SPATA31F3: variants seen among roughly 807,000 people sequenced by gnomAD.
The protein encoded by SPATA31F3 is protein SPATA31F3.
At chr9:34,890,956 G>A in the SPATA31F3 span, among the ~76,000 whole-genome samples, 648 of 152,310 alleles carry the variant, frequency 4.3e-3, 7 homozygotes, top group African/African-American at 0.015. Flanking sequence ...ACACATTGCT[G>A]TTCAGATGAG....
chr9:34,889,760 A>G, the SPATA31F3 span: 11 of 397,146 alleles, frequency 2.8e-5, 1 homozygote, highest in Middle Eastern at 2.5e-3. Context: ...ATGGCCCTGA[A>G]CTATTTGACC....
the SPATA31F3 span, among the ~76,000 whole-genome samples, chr9:34,891,705 T>C: frequency 6.6e-6 from 1 of 152,194 alleles, no homozygotes; most frequent in Non-Finnish European, 1.5e-5. Context: ...TTCCTCCCTC[T>C]TGAGGACTGA....
At chr9:34,891,851 G>A in the SPATA31F3 span, among the ~76,000 whole-genome samples, 1 of 152,202 alleles carries the variant, frequency 6.6e-6, no homozygotes, top group African/African-American at 2.4e-5. Context: ...TGAAGCTGGA[G>A]CTGCCTCTAC....
At chr9:34,893,239 C>A in the SPATA31F3 span, 1 of 441,416 alleles carries the variant, frequency 2.3e-6, no homozygotes, top group Non-Finnish European at 4.0e-6. Context: ...ATTGTCCTTT[C>A]CCAGTCCTGA....
the SPATA31F3 span, among the ~76,000 whole-genome samples, chr9:34,894,094 G>C: frequency 6.6e-6 from 1 of 152,198 alleles, no homozygotes. Flanking sequence ...AAGAGAATAA[G>C]ACAGGGATGA....
chr9:34,892,974 T>G, the SPATA31F3 span: 1 of 710,372 alleles, frequency 1.4e-6, no homozygotes, highest in Non-Finnish European at 2.5e-6. Context: ...ACACTAGATG[T>G]GGACAAAGCC....
At chr9:34,893,050 C>G in the SPATA31F3 span, 196,386 of 946,434 alleles carry the variant, frequency 0.21, 23,447 homozygotes, top group Admixed American at 0.27. Flanking sequence ...TCTCACCTGC[C>G]AGCAATTGCT....
At chr9:34,894,869 G>C in the SPATA31F3 span, among the ~76,000 whole-genome samples, 1 of 151,976 alleles carries the variant, frequency 6.6e-6, no homozygotes, top group African/African-American at 2.4e-5. Flanking sequence ...ATGTGCCTAG[G>C]CTCTGATTTT....
the SPATA31F3 span, among the ~76,000 whole-genome samples, chr9:34,891,212 C>G: frequency 6.6e-6 from 1 of 152,182 alleles, no homozygotes. Flanking sequence ...AGTGTCCTTT[C>G]CTGATCTGTG....
At chr9:34,894,794 G>T in the SPATA31F3 span, among the ~76,000 whole-genome samples, 1 of 152,210 alleles carries the variant, frequency 6.6e-6, no homozygotes, top group Admixed American at 6.5e-5. Context: ...AAATGACAGA[G>T]TTGAGGACTT....
At chr9:34,893,514 T>A in the SPATA31F3 span, among the ~76,000 whole-genome samples, 51 of 149,852 alleles carry the variant, frequency 3.4e-4, no homozygotes, top group African/African-American at 1.2e-3. Context: ...GGTAGGAGAG[T>A]CCCTTGAACC....
chr9:34,892,541 C>G, the SPATA31F3 span: 1 of 415,012 alleles, frequency 2.4e-6, no homozygotes, highest in Non-Finnish European at 4.2e-6. Context: ...TTCCTCAGGA[C>G]TTTTTGGACA....
chr9:34,894,966 G>A, the SPATA31F3 span: 1 of 398,266 alleles, frequency 2.5e-6, no homozygotes, highest in Non-Finnish European at 4.4e-6. Context: ...AGCAGCAGGG[G>A]TCATAGAGGG....
chr9:34,893,119 C>A, the SPATA31F3 span: 1 of 829,386 alleles, frequency 1.2e-6, no homozygotes, highest in Non-Finnish European at 1.8e-6. Flanking sequence ...ACAGGATTCG[C>A]CGCACACTTC....
At chr9:34,892,923 T>G in the SPATA31F3 span, 1 of 687,184 alleles carries the variant, frequency 1.5e-6, no homozygotes, top group Non-Finnish European at 2.7e-6. Context: ...GAAAGCTCTT[T>G]GGATTTCGGG....
chr9:34,889,708 GGCCCTGCAAATTTTGACCCTGCAAATTTT>G, the SPATA31F3 span: 26 of 397,808 alleles, frequency 6.5e-5, no homozygotes, highest in Non-Finnish European at 1.1e-4. Flanking sequence ...TAGAAAGTGT[GGCCCTGCAAATTTTGACCCTGCAAATTTT>G]GCCCTGTAAA....
the SPATA31F3 span, chr9:34,895,106 A>G: frequency 5.0e-6 from 2 of 398,620 alleles, no homozygotes; most frequent in Middle Eastern, 1.3e-3. Context: ...AAACATTAGA[A>G]TGCAAAGCTG....
chr9:34,892,803 G>T, the SPATA31F3 span: 2 of 629,412 alleles, frequency 3.2e-6, no homozygotes, highest in Admixed American at 2.4e-5. Context: ...CGCTGAAAGT[G>T]ATCAGCCCAG....
the SPATA31F3 span, chr9:34,894,625 C>T: frequency 5.0e-6 from 2 of 397,244 alleles, no homozygotes; most frequent in African/African-American, 2.1e-5. Flanking sequence ...CACTAAGTCA[C>T]ATCTGTGTAT....
Sources: allele counts gnomAD v4.1 joint callset (sites outside exome capture counted in the v4.1 genomes callset), GRCh38; gene constraint gnomAD v4.1.1; transcripts MANE v1.5; gene names NCBI Gene and HGNC (gene_info 2026-07-23, HGNC 2026-07-21).